Variants in CUX2 observed in about 807,000 individuals in gnomAD.
CUX2 encodes the protein homeobox protein cut-like 2.
A neutral mutation model predicts 144.8 loss-of-function variants in CUX2; 40 were observed. The observed-to-expected ratio is 0.28, with a 90% CI of 0.21 to 0.36. The LOEUF (loss-of-function observed/expected upper bound fraction) is 0.36, where lower values mean the gene tolerates loss of function less well. Among genes scored for constraint, CUX2 ranks in the 10% least tolerant of loss-of-function variants. The pLI, the probability that CUX2 is intolerant of heterozygous loss-of-function variation, is 1.00. For synonymous variants in CUX2, 827 were observed against 875.6 expected, an observed-to-expected ratio of 0.94 and a Z score of 0.98; for missense variants, 1,615 against 1,994.0, an observed-to-expected ratio of 0.81 and a Z score of 3.62.
At chr12:111,276,481 T>C (rs983209393) in intron 4 of CUX2, among the ~76,000 whole-genome samples, 2 of 152,200 alleles carry the variant, frequency 1.3e-5, no homozygotes, top group South Asian at 2.1e-4. Context: ...TTGGGTCGCA[T>C]TGGCTTGGTG....
chr12:111,211,787 G>C (rs2136221939), intron 1 of CUX2, among the ~76,000 whole-genome samples: 1 of 151,950 alleles, frequency 6.6e-6, no homozygotes, highest in African/African-American at 2.4e-5. Flanking sequence ...CGGGAGGCTG[G>C]GAGGCAGGAG....
chr12:111,347,510 C>T lies in CUX2; in HGVS notation c.3660-14C>T, dbSNP rs199673135. On this transcript the variant is annotated splice_polypyrimidine_tract_variant and intron_variant, in intron 21 of 21. Transcript: ENST00000261726. ...CCCTGTCCAGCCCCAGGCTCACCGC[C>T]GTCTCTGCCCCAGGTCCCGGATGCG... 3.8e-6 allele frequency: 6 copies of T among 1,571,354 alleles called. No homozygotes were observed. The highest frequency in any genetic ancestry group is 2.7e-5 in the African/African-American group (2 of 73,742).
chr12:111,294,630 C>T (rs139470521), intron 6 of CUX2, among the ~76,000 whole-genome samples: 2,218 of 150,636 alleles, frequency 0.015, 59 homozygotes, highest in African/African-American at 0.052. Flanking sequence ...GGCGTGGTGG[C>T]TCATGCCTAT....
chr12:111,287,034 CAG>C lies in CUX2; in HGVS notation c.302-4381_302-4380del, dbSNP rs1457276958. On this transcript the variant is annotated intron_variant, in intron 4 of 21. Coordinates refer to ENST00000261726, the MANE Select transcript of CUX2 (RefSeq NM_015267.4). The surrounding 1 kb of genome is among the most constrained non-coding windows in gnomAD (Gnocchi z 4.2). Reference sequence around the variant, plus strand: ...GTACCTGCAAAGGAAGGCAAAAAGACAGAGCTTTGAAATCTATGGACCTGAAT... The same window carrying C: ...GTACCTGCAAAGGAAGGCAAAAAGACAGCTTTGAAATCTATGGACCTGAAT... Among the ~76,000 whole-genome samples, 2 of 152,134 alleles carry C rather than the reference CAG, an allele frequency of 1.3e-5. No individual in the cohort carries two copies. Among genetic ancestry groups the C allele is most frequent in the African/African-American group, 4.8e-5 (2 of 41,414 alleles).
Position 111,312,099 on chromosome 12 carries a change from G to A in CUX2, c.1901-1G>A. On this transcript the variant is annotated splice_acceptor_variant, in intron 15 of 21. Coordinates refer to ENST00000261726, the MANE Select transcript of CUX2 (RefSeq NM_015267.4). LOFTEE classifies it high-confidence loss of function. The surrounding 1 kb of genome is among the most constrained non-coding windows in gnomAD (Gnocchi z 4.3). ...CCACAGATGCCTTCTTGCCTCCCCA[G>A]GCAGCATCACCCCGAGAATCCGCAC... is the stretch of plus-strand genomic sequence containing the variant. 1 of 1,607,952 alleles carries A rather than the reference G, an allele frequency of 6.2e-7. No individual in the cohort carries two copies. Among genetic ancestry groups the A allele is most frequent in the Non-Finnish European group, 8.5e-7 (1 of 1,175,330 alleles).
At chr12:111,253,643 G>T (rs1883677316) in intron 3 of CUX2, among the ~76,000 whole-genome samples, 1 of 152,134 alleles carries the variant, frequency 6.6e-6, no homozygotes. Flanking sequence ...CGCCAGTCTT[G>T]CTTGGTGCTG....
At chr12:111,333,986 G>C (rs1888229660) in intron 18 of CUX2, among the ~76,000 whole-genome samples, 1 of 151,970 alleles carries the variant, frequency 6.6e-6, no homozygotes, top group African/African-American at 2.4e-5. Context: ...AGGAGATTGA[G>C]ACCATCCTGG....
At chr12:111,240,548 A>G (rs1186660614) in intron 3 of CUX2, among the ~76,000 whole-genome samples, 3 of 152,222 alleles carry the variant, frequency 2.0e-5, no homozygotes, top group South Asian at 2.1e-4. Flanking sequence ...CCCTGGTCCA[A>G]TCGGCTGAGG....
At chr12:111,174,341 G>A (rs1362219857) in intron 1 of CUX2, among the ~76,000 whole-genome samples, 10 of 152,160 alleles carry the variant, frequency 6.6e-5, no homozygotes, top group Admixed American at 4.6e-4. Flanking sequence ...ATGAGTCCAC[G>A]CTCCTGCTTT....
At chr12:111,325,429 A>G (rs1220681769) in intron 18 of CUX2, among the ~76,000 whole-genome samples, 1 of 152,082 alleles carries the variant, frequency 6.6e-6, no homozygotes, top group Non-Finnish European at 1.5e-5. Flanking sequence ...TATCATTTCC[A>G]TTTCACAGAT....
intron 1 of CUX2, among the ~76,000 whole-genome samples, chr12:111,043,220 C>G (rs894506473): frequency 6.6e-6 from 1 of 152,108 alleles, no homozygotes; most frequent in Non-Finnish European, 1.5e-5. Context: ...CACAGACGGG[C>G]AAGGGGAGTA....
chr12:111,262,168 G>A (rs1373411359), intron 3 of CUX2, among the ~76,000 whole-genome samples: 1 of 152,140 alleles, frequency 6.6e-6, no homozygotes, highest in African/African-American at 2.4e-5. Flanking sequence ...CTTAATGCCA[G>A]TGTCCCCACC....
chr12:111,212,184 G>A (rs1401592628), intron 1 of CUX2, among the ~76,000 whole-genome samples: 1 of 152,174 alleles, frequency 6.6e-6, no homozygotes, highest in Non-Finnish European at 1.5e-5. Context: ...GTGGTCAGTT[G>A]TAGTTTCTGT....
At chr12:111,104,041 C>CT (rs1445829568) in intron 1 of CUX2, among the ~76,000 whole-genome samples, 3 of 152,210 alleles carry the variant, frequency 2.0e-5, no homozygotes, top group African/African-American at 4.8e-5. Flanking sequence ...TTTCTTTTAC[C>CT]TAAACCTAAC....
chr12:111,186,633 GCGC>G lies in CUX2; in HGVS notation c.64-27562_64-27560del, dbSNP rs965622167. 4.6e-5 allele frequency among the ~76,000 whole-genome samples: 7 copies of G among 152,240 alleles called. No homozygotes were observed. The highest frequency in any genetic ancestry group is 1.7e-4 in the African/African-American group (7 of 41,472). Reference sequence around the variant, plus strand: ...GGCAGGGTCCCTGGGCTCGCCTTCAGCGCCGCCATCTGCCAGCTGTGTGACCTT... The same window carrying G: ...GGCAGGGTCCCTGGGCTCGCCTTCAGCGCCATCTGCCAGCTGTGTGACCTT... On this transcript the variant is annotated intron_variant, in intron 1 of 21. Transcript: ENST00000261726. The surrounding 1 kb of genome is among the most constrained non-coding windows in gnomAD (Gnocchi z 4.4).
At chr12:111,041,267 C>T (rs914512156) in intron 1 of CUX2, among the ~76,000 whole-genome samples, 7 of 152,218 alleles carry the variant, frequency 4.6e-5, no homozygotes, top group Admixed American at 4.6e-4. Flanking sequence ...CAGTGTGGGG[C>T]ACACAGTTGC....
In CUX2 at chr12:111,255,026, C is replaced by T. The variant is rs769177057; in HGVS notation, c.223-8735C>T. 3.2e-4 allele frequency among the ~76,000 whole-genome samples: 48 copies of T among 152,214 alleles called. No individual in the cohort carries two copies. Among genetic ancestry groups the T allele is most frequent in the Non-Finnish European group, 6.2e-4 (42 of 68,004 alleles). ...CTAATATTTGTATTTTTAATAGAGA[C>T]GGGGTTTCACATGTTGGCCAGGCTG... On this transcript the variant is annotated intron_variant, in intron 3 of 21. Coordinates refer to ENST00000261726, the MANE Select transcript of CUX2 (RefSeq NM_015267.4). This position sits in a 1 kb window ranked among gnomAD's most constrained non-coding sequence, Gnocchi z 4.1.
chr12:111,301,506 G>T (rs1331316676), intron 9 of CUX2, among the ~76,000 whole-genome samples: 1 of 151,586 alleles, frequency 6.6e-6, no homozygotes, highest in East Asian at 1.9e-4. Context: ...GGGGAGGTAA[G>T]ACTAGTAGCT....
At chr12:111,048,839 G>T (rs968644824) in intron 1 of CUX2, among the ~76,000 whole-genome samples, 1 of 152,132 alleles carries the variant, frequency 6.6e-6, no homozygotes, top group East Asian at 1.9e-4. Context: ...GACTGCAGGG[G>T]ATGTGGGCTG....
Sources: gnomAD v4.1 joint callset for allele counts (sites outside exome capture counted in the v4.1 genomes callset) on GRCh38, gnomAD v4.1.1 for gene constraint, Gnocchi (gnomAD v3.1) non-coding constraint, MANE v1.5 for transcripts, NCBI Gene and HGNC (gene_info 2026-07-23, HGNC 2026-07-21) for gene names.